PNPT1: variants seen among roughly 807,000 people sequenced by gnomAD.
PNPT1 encodes the protein polyribonucleotide nucleotidyltransferase 1, mitochondrial.
PNPT1 carries 53 observed loss-of-function variants against 119.5 expected under a neutral mutation model. The observed-to-expected ratio is 0.44, with a 90% CI of 0.36 to 0.56. The LOEUF (loss-of-function observed/expected upper bound fraction) is 0.56. Among genes scored for constraint, PNPT1 ranks in the 20% least tolerant of loss-of-function variants. The probability of loss-of-function intolerance (pLI) is 0.00; values close to 1 mark genes in which losing one functional copy is unlikely to be tolerated. For synonymous variants in PNPT1, 357 were observed against 322.1 expected (o/e 1.11, Z -1.16); for missense variants, 948 against 938.5 (o/e 1.01, Z -0.13).
At chr2:55,681,555 A>T (rs1391186197) in intron 5 of PNPT1, among the ~76,000 whole-genome samples, 1 of 149,788 alleles carries the variant, frequency 6.7e-6, no homozygotes, top group Non-Finnish European at 1.5e-5. Flanking sequence ...ATATAAAAAT[A>T]TTTTCTAGGC....
chr2:55,673,180 T>A lies in PNPT1; in HGVS notation c.680-101A>T, dbSNP rs2104128173. The A allele has an allele frequency of 4.3e-6, 4 of 940,690 alleles. No individual in the cohort carries two copies. The Middle Eastern group carries it at 1.0e-3, about 245-fold the overall frequency. The allele number at this position is 940,690 out of a possible 1,614,324, so 58.3% of individuals were successfully genotyped here. On this transcript the variant is annotated intron_variant, in intron 8 of 27. Transcript: ENST00000447944. ...CATGACATAAATATTATGGATCAAT[T>A]TTACTTCTTAGTGATAGATCCACCT...
intron 22 of PNPT1, 74 bp from the exon 23 acceptor site, chr2:55,644,794 G>T: frequency 2.9e-6 from 3 of 1,049,108 alleles, no homozygotes; most frequent in Non-Finnish European, 4.0e-6. Flanking sequence ...ATGGTCACTT[G>T]AGATTTTTTT....
intron 8 of PNPT1, among the ~76,000 whole-genome samples, chr2:55,677,927 G>C (rs548118414): frequency 6.6e-6 from 1 of 152,042 alleles, no homozygotes. Context: ...ATTTTTAGTA[G>C]AGACAGGGTT....
intron 26 of PNPT1, 118 bp from the exon 27 acceptor site, chr2:55,637,717 C>T (rs1695718702): frequency 1.1e-6 from 1 of 878,568 alleles, no homozygotes; most frequent in African/African-American, 1.7e-5. Flanking sequence ...CAGTTAGCGG[C>T]TGGGCGCAGT....
chr2:55,639,405 A>G (rs965672367), intron 26 of PNPT1, among the ~76,000 whole-genome samples: 8 of 152,148 alleles, frequency 5.3e-5, no homozygotes, highest in Non-Finnish European at 8.8e-5. Flanking sequence ...CACCCTCTAA[A>G]AAGTTTGTCC....
intron 8 of PNPT1, among the ~76,000 whole-genome samples, chr2:55,675,735 GAGTCT>G (rs928866906): frequency 6.6e-6 from 1 of 152,134 alleles, no homozygotes; most frequent in Non-Finnish European, 1.5e-5. Context: ...CCTTACAGTT[GAGTCT>G]ACAGAGCTGT....
At chr2:55,676,499 G>T (rs750851944) in intron 8 of PNPT1, among the ~76,000 whole-genome samples, 3 of 152,126 alleles carry the variant, frequency 2.0e-5, no homozygotes, top group Non-Finnish European at 4.4e-5. Context: ...CAGAATGTTG[G>T]TGTTGAAGTA....
chr2:55,682,755 A>C (rs1003141797), intron 5 of PNPT1, among the ~76,000 whole-genome samples: 2 of 152,066 alleles, frequency 1.3e-5, no homozygotes, highest in Non-Finnish European at 2.9e-5. Context: ...AAAAAACAAA[A>C]AAACTTAGCT....
At chr2:55,645,565 T>C in intron 21 of PNPT1, 133 bp from the exon 22 acceptor site, 1 of 564,530 alleles carries the variant, frequency 1.8e-6, no homozygotes, top group Non-Finnish European at 3.1e-6. Context: ...CCCTATTACC[T>C]TGAAAATTCA....
rs1282755290 is a variant in PNPT1 at position 55,660,821 on chromosome 2, A to G, written c.1248-628T>C. Among the ~76,000 whole-genome samples, 4 of 152,298 alleles carry G rather than the reference A, an allele frequency of 2.6e-5. No homozygotes were observed. In the East Asian group the frequency reaches 7.7e-4, roughly 29 times the overall value. On this transcript the variant is annotated intron_variant, in intron 14 of 27. Transcript: ENST00000447944. ...ACCTAAGACTAGAATATATGGAGGT[A>G]CCCTGACCAAGCCCAGTGTTCTGCA... is the stretch of plus-strand genomic sequence containing the variant.
chr2:55,665,774 GC>G (rs1696713244), intron 13 of PNPT1, among the ~76,000 whole-genome samples: 1 of 152,020 alleles, frequency 6.6e-6, no homozygotes, highest in Non-Finnish European at 1.5e-5. Flanking sequence ...TAAAATTAAA[GC>G]AAAAAGTTAC....
intron 3 of PNPT1, among the ~76,000 whole-genome samples, 165 bp from the exon 4 acceptor site, chr2:55,685,213 G>A (rs1697364008): frequency 6.6e-6 from 1 of 152,200 alleles, no homozygotes; most frequent in African/African-American, 2.4e-5. Flanking sequence ...AAAGTTGATA[G>A]AAATGTTTCT....
chr2:55,653,951 C>T (rs781498355), intron 18 of PNPT1, among the ~76,000 whole-genome samples: 73 of 152,146 alleles, frequency 4.8e-4, no homozygotes, highest in Non-Finnish European at 7.9e-4. Context: ...CAGTTTGGCA[C>T]GAATTGGTTT....
Position 55,636,195 on chromosome 2 carries a change from C to G in PNPT1, c.*42G>C. Reference sequence around the variant, plus strand: ...AAATGTTGCTCTACAGCACATCACCCTAGACAAAATAGAATTCTAGAATTC... The same window carrying G: ...AAATGTTGCTCTACAGCACATCACCGTAGACAAAATAGAATTCTAGAATTC... On this transcript the variant is annotated 3_prime_UTR_variant, in exon 28 of 28. Transcript: ENST00000447944. 1 of 1,521,110 alleles carries G rather than the reference C, an allele frequency of 6.6e-7. No individual in the cohort carries two copies. Among genetic ancestry groups the G allele is most frequent in the Non-Finnish European group, 9.0e-7 (1 of 1,108,542 alleles). 94.2% of individuals were successfully genotyped at this position (1,521,110 alleles called of 1,614,324 possible). A position where few individuals can be genotyped will look rare whatever the true frequency, so the allele number is the denominator to read the frequency against.
At chr2:55,681,778 A>C (rs896907818) in intron 5 of PNPT1, among the ~76,000 whole-genome samples, 7 of 144,510 alleles carry the variant, frequency 4.8e-5, no homozygotes, top group Non-Finnish European at 8.9e-5. Context: ...CCGGAGGCAG[A>C]GGTTTCAGTG....
intron 23 of PNPT1, among the ~76,000 whole-genome samples, chr2:55,643,947 G>A (rs1258519088): frequency 6.6e-6 from 1 of 152,164 alleles, no homozygotes; most frequent in Non-Finnish European, 1.5e-5. Context: ...GGATACAATG[G>A]TGAGCCAATA....
chr2:55,684,510 C>T (rs1259094678), intron 4 of PNPT1, among the ~76,000 whole-genome samples: 1 of 152,090 alleles, frequency 6.6e-6, no homozygotes, highest in African/African-American at 2.4e-5. Context: ...TACATATGAT[C>T]CCACAATATG....
At chr2:55,651,772 T>A in intron 18 of PNPT1, among the ~76,000 whole-genome samples, 1 of 107,828 alleles carries the variant, frequency 9.3e-6, no homozygotes. Context: ...AATGATCAAT[T>A]TAAAAAAAAA....
chr2:55,638,445 T>C (rs1366257278), intron 26 of PNPT1, among the ~76,000 whole-genome samples: 1 of 152,076 alleles, frequency 6.6e-6, no homozygotes, highest in African/African-American at 2.4e-5. Context: ...AAGGACTGCT[T>C]AAACCAGACT....
Sources: allele counts gnomAD v4.1 joint callset (sites outside exome capture counted in the v4.1 genomes callset), GRCh38; gene constraint gnomAD v4.1.1; transcripts MANE v1.5; gene names NCBI Gene and HGNC (gene_info 2026-07-23, HGNC 2026-07-21).